The following MINDY3 variants were observed in gnomAD, a reference collection of about 807,000 sequenced individuals.
MINDY3 encodes the protein ubiquitin carboxyl-terminal hydrolase MINDY-3.
MINDY3 carries 38 observed loss-of-function variants against 69.2 expected under a neutral mutation model. The observed-to-expected ratio is 0.55, with a 90% CI of 0.42 to 0.72. The LOEUF is 0.72. Ranked by LOEUF, MINDY3 falls within the 30% of genes least tolerant of loss-of-function variation. MINDY3 has a pLI of 0.00. For missense variants in MINDY3, 522 were observed against 519.0 expected, an observed-to-expected ratio of 1.01 and a Z score of -0.06; for synonymous variants, 192 against 180.1, an observed-to-expected ratio of 1.07 and a Z score of -0.53.
chr10:15,779,745 A>G (rs1046459392), intron 14 of MINDY3, among the ~76,000 whole-genome samples: 2 of 152,238 alleles, frequency 1.3e-5, no homozygotes, highest in African/African-American at 4.8e-5. Flanking sequence ...AAAAATTAAA[A>G]AGGATGTCAG....
At chr10:15,782,349 AAAG>A (rs1249481017) in intron 13 of MINDY3, 123 bp from the exon 14 acceptor site, 1 of 679,466 alleles carries the variant, frequency 1.5e-6, no homozygotes, top group Non-Finnish European at 2.4e-6. Context: ...TCATTTGACA[AAAG>A]AAGGAACTTA....
At chr10:15,857,718 G>A (rs1382361243) in intron 1 of MINDY3, among the ~76,000 whole-genome samples, 1 of 151,900 alleles carries the variant, frequency 6.6e-6, no homozygotes, top group African/African-American at 2.4e-5. Context: ...TTTTTAAAAC[G>A]AACAGGGATT....
intron 1 of MINDY3, among the ~76,000 whole-genome samples, chr10:15,858,258 G>C (rs904984921): frequency 2.0e-5 from 3 of 152,110 alleles, no homozygotes; most frequent in Admixed American, 6.5e-5. Context: ...ACGAAAAAAA[G>C]AAAGAAATCC....
In MINDY3 at chr10:15,841,586, C is replaced by T. The variant is rs150636122; in HGVS notation, c.249G>A (p.Lys83=). 596 of 1,603,064 alleles carry T rather than the reference C, an allele frequency of 3.7e-4. No individual in the cohort carries two copies. The highest frequency in any genetic ancestry group is 4.8e-4 in the Non-Finnish European group (566 of 1,174,914). The part of the protein sequence containing the change: ...SWRDCSEEEQ[K]ELLCHTLCDI... ...CACACAAGGTATGACAAAGGAGTTCCTTCTGCTCTTCCTCTAAAAATAACC... is the reference window on the plus strand; with the variant it reads ...CACACAAGGTATGACAAAGGAGTTCTTTCTGCTCTTCCTCTAAAAATAACC... The change falls in exon 4 of 15, where the codon AAG becomes AAA. Residue 83 remains lysine (K), a synonymous_variant. Transcript: ENST00000277632.
chr10:15,855,133 T>C (rs1481277200), intron 1 of MINDY3, among the ~76,000 whole-genome samples: 2 of 152,134 alleles, frequency 1.3e-5, no homozygotes, highest in Non-Finnish European at 2.9e-5. Context: ...AGTGAGTTGC[T>C]TTTGTACTTT....
intron 1 of MINDY3, 70 bp downstream of exon 1, chr10:15,860,136 G>T: frequency 8.7e-7 from 1 of 1,146,216 alleles, no homozygotes; most frequent in South Asian, 1.3e-5. Flanking sequence ...TGGAGCGAGA[G>T]GCGTCACAGG....
chr10:15,837,489 T>C (rs1420570882), intron 5 of MINDY3, 171 bp from the exon 6 acceptor site: 1 of 1,415,876 alleles, frequency 7.1e-7, no homozygotes, highest in Non-Finnish European at 9.5e-7. Flanking sequence ...CCAAAAGCTA[T>C]TTCTGACAAC....
At position 15,791,396 on chromosome 10, in the gene MINDY3, A is replaced by G. The variant is rs1182914250; in HGVS notation, c.956-2077T>C. Among the ~76,000 whole-genome samples the G allele has an allele frequency of 3.9e-5, 6 of 152,154 alleles. No individual in the cohort carries two copies. In the East Asian group the frequency reaches 1.2e-3, roughly 30 times the overall value. On this transcript the variant is annotated intron_variant, in intron 11 of 14. Transcript: ENST00000277632. Reference sequence around the variant, plus strand: ...GGCACAAAGATGAAAAGACAACCTCAAAGTCAACAGCAAAGGAAATCTCAG... The same window carrying G: ...GGCACAAAGATGAAAAGACAACCTCGAAGTCAACAGCAAAGGAAATCTCAG...
At position 15,834,987 on chromosome 10, in the gene MINDY3, T is replaced by C. The variant is rs556776861; in HGVS notation, c.577-371A>G. ...TAAGGCAACTGATTTTTTTAGATCA[T>C]GTAAAAACTTATTGCAGTAAATACA... On this transcript the variant is annotated intron_variant, in intron 6 of 14. Coordinates refer to ENST00000277632, the MANE Select transcript of MINDY3 (RefSeq NM_024948.4). Among the ~76,000 whole-genome samples the C allele has an allele frequency of 1.1e-3, 168 of 152,214 alleles. 1 individual carries two copies. The highest frequency in any genetic ancestry group is 3.8e-3 in the African/African-American group (158 of 41,554).
chr10:15,827,165 T>A (rs1407754934), intron 8 of MINDY3, among the ~76,000 whole-genome samples: 4 of 45,890 alleles, frequency 8.7e-5, no homozygotes, highest in African/African-American at 4.1e-4. Context: ...ATAAAATTGA[T>A]ATAACAGGAG....
intron 8 of MINDY3, among the ~76,000 whole-genome samples, chr10:15,827,307 CG>C (rs1301162552): frequency 6.6e-6 from 1 of 151,760 alleles, no homozygotes; most frequent in Non-Finnish European, 1.5e-5. Context: ...TTTGGAAGGC[CG>C]AGGTTGACGG....
At chr10:15,801,181 G>C (rs533172027) in intron 10 of MINDY3, among the ~76,000 whole-genome samples, 1 of 152,112 alleles carries the variant, frequency 6.6e-6, no homozygotes, top group East Asian at 1.9e-4. Context: ...ATTCCGGCAT[G>C]GGGGGGAAAT....
At chr10:15,780,896 C>T (rs891878727) in intron 14 of MINDY3, among the ~76,000 whole-genome samples, 9 of 152,252 alleles carry the variant, frequency 5.9e-5, no homozygotes, top group Admixed American at 2.0e-4. Flanking sequence ...CAGTTCCAAT[C>T]CCTGTTCTGC....
intron 5 of MINDY3, 187 bp from the exon 6 acceptor site, chr10:15,837,505 C>T: frequency 7.0e-7 from 1 of 1,419,916 alleles, no homozygotes; most frequent in Non-Finnish European, 9.5e-7. Flanking sequence ...ACAACTATCA[C>T]TATATATGAT....
Position 15,789,321 on chromosome 10 carries a change from T to C in MINDY3, c.956-2A>G, listed in dbSNP as rs1265794850. The C allele has an allele frequency of 6.2e-7, 1 of 1,608,508 alleles. No homozygotes were observed. Among genetic ancestry groups the C allele is most frequent in the Non-Finnish European group, 8.5e-7 (1 of 1,176,142 alleles). ...GTGAATCGGGTATGAATCCATTATCTAGGGGGGAAAAAATCAGAAACAACT... is the reference window on the plus strand; with the variant it reads ...GTGAATCGGGTATGAATCCATTATCCAGGGGGGAAAAAATCAGAAACAACT... On this transcript the variant is annotated splice_acceptor_variant, in intron 11 of 14. Transcript: ENST00000277632. LOFTEE classifies it high-confidence loss of function.
intron 5 of MINDY3, chr10:15,837,700 T>C (rs1833184377): frequency 3.7e-6 from 4 of 1,083,190 alleles, no homozygotes; most frequent in Non-Finnish European, 3.4e-6. Flanking sequence ...TTAACAAATA[T>C]CTTAATGCCA....
At chr10:15,853,388 A>G (rs1834446041) in intron 1 of MINDY3, among the ~76,000 whole-genome samples, 1 of 152,078 alleles carries the variant, frequency 6.6e-6, no homozygotes, top group African/African-American at 2.4e-5. Flanking sequence ...CGCTGTGTTG[A>G]CATTCACAGT....
At chr10:15,819,930 A>G (rs938381947) in intron 9 of MINDY3, among the ~76,000 whole-genome samples, 1 of 152,188 alleles carries the variant, frequency 6.6e-6, no homozygotes, top group Admixed American at 6.5e-5. Flanking sequence ...TAAAGCCTAC[A>G]TCTAGAAAAC....
chr10:15,796,206 A>G (rs780791107), intron 10 of MINDY3, 34 bp from the exon 11 acceptor site: 6 of 1,548,600 alleles, frequency 3.9e-6, no homozygotes, highest in Non-Finnish European at 5.4e-6. Context: ...TCAACCAGCT[A>G]CAGTATTATG....
Sources: gnomAD v4.1 joint callset for allele counts (sites outside exome capture counted in the v4.1 genomes callset) on GRCh38, gnomAD v4.1.1 for gene constraint, MANE v1.5 for transcripts, NCBI Gene and HGNC (gene_info 2026-07-23, HGNC 2026-07-21) for gene names.